VAV3: variants seen among roughly 807,000 people sequenced by gnomAD.
VAV3 encodes the protein vav guanine nucleotide exchange factor 3, also known as guanine nucleotide exchange factor VAV3.
Under a neutral mutation model 131.2 loss-of-function variants are expected in VAV3, and 94 were observed. The observed-to-expected ratio is 0.72, with a 90% confidence interval of 0.61 to 0.85. VAV3 has a LOEUF of 0.85. VAV3 is among the 40% of genes least tolerant of loss of function. The pLI is 0.00. For synonymous variants in VAV3, 349 were observed against 342.0 expected, an observed-to-expected ratio of 1.02 and a Z score of -0.22; for missense variants, 939 against 1,002.7, an observed-to-expected ratio of 0.94 and a Z score of 0.86.
At chr1:107,873,692 G>A (rs1670353386) in intron 2 of VAV3, among the ~76,000 whole-genome samples, 2 of 152,100 alleles carry the variant, frequency 1.3e-5, no homozygotes, top group Admixed American at 6.6e-5. Context: ...TGGACCTCAA[G>A]ACAGTTAAAT....
chr1:107,892,136 T>G (rs955319303), intron 1 of VAV3, among the ~76,000 whole-genome samples: 2 of 152,184 alleles, frequency 1.3e-5, no homozygotes. Context: ...TAATATGTCA[T>G]AATGGCATGT....
intron 22 of VAV3, among the ~76,000 whole-genome samples, chr1:107,608,173 A>T (rs1486508370): frequency 1.3e-5 from 2 of 152,194 alleles, no homozygotes; most frequent in Non-Finnish European, 2.9e-5. Context: ...TCATATTTTC[A>T]GTAGGATTTT....
intron 20 of VAV3, among the ~76,000 whole-genome samples, chr1:107,633,732 C>A (rs925435053): frequency 6.6e-6 from 1 of 152,152 alleles, no homozygotes; most frequent in Non-Finnish European, 1.5e-5. Context: ...TCCACTTTTA[C>A]ACTCTTGGGA....
chr1:107,872,252 T>C (rs1670288510), intron 2 of VAV3, among the ~76,000 whole-genome samples: 1 of 152,170 alleles, frequency 6.6e-6, no homozygotes. Context: ...AAGAGTATTA[T>C]GACAATCAAA....
chr1:107,795,491 T>A (rs1666492642), intron 2 of VAV3, among the ~76,000 whole-genome samples: 2 of 152,238 alleles, frequency 1.3e-5, no homozygotes, highest in Non-Finnish European at 2.9e-5. Context: ...ATTGTCTGTT[T>A]TCTTTTTATT....
At chr1:107,814,309 C>T (rs1055893189) in intron 2 of VAV3, among the ~76,000 whole-genome samples, 2 of 152,034 alleles carry the variant, frequency 1.3e-5, no homozygotes, top group African/African-American at 4.8e-5. Flanking sequence ...CTCGCCAGCA[C>T]CCATTAGTTT....
intron 19 of VAV3, among the ~76,000 whole-genome samples, chr1:107,675,938 C>T (rs1352180599): frequency 6.6e-6 from 1 of 152,174 alleles, no homozygotes; most frequent in Non-Finnish European, 1.5e-5. Context: ...TCTCCAGTTC[C>T]TATTTTAGGT....
intron 24 of VAV3, among the ~76,000 whole-genome samples, chr1:107,602,183 C>A (rs1168177844): frequency 6.6e-6 from 1 of 152,004 alleles, no homozygotes; most frequent in Admixed American, 6.5e-5. Flanking sequence ...TCTAAACCTG[C>A]AAACAATTTA....
intron 1 of VAV3, among the ~76,000 whole-genome samples, chr1:107,944,763 C>T (rs991124110): frequency 1.3e-5 from 2 of 152,106 alleles, no homozygotes; most frequent in Non-Finnish European, 2.9e-5. Flanking sequence ...CACTACCACA[C>T]CCAGCTAATT....
chr1:107,583,411 C>T (rs1270887242), intron 25 of VAV3, among the ~76,000 whole-genome samples: 2 of 151,978 alleles, frequency 1.3e-5, no homozygotes, highest in Non-Finnish European at 2.9e-5. Context: ...CTGGCCAGGG[C>T]AATTAGGCAG....
intron 2 of VAV3, among the ~76,000 whole-genome samples, chr1:107,822,537 C>T (rs1429848640): frequency 3.3e-5 from 5 of 151,824 alleles, no homozygotes; most frequent in Non-Finnish European, 7.4e-5. Flanking sequence ...TGCCTGTAGT[C>T]CCAGCTACTT....
In VAV3 at chr1:107,695,110, T is replaced by C. The variant is rs542259884; in HGVS notation, c.1706-6704A>G. On this transcript the variant is annotated intron_variant, in intron 17 of 26. Transcript: ENST00000370056. ...TGTAGATACACAGACATAAAAAAAC[T>C]GGTTGGAGAACTGTGAGTAGTTAAA... 3.3e-5 allele frequency among the ~76,000 whole-genome samples: 5 copies of C among 152,170 alleles called. No homozygotes were observed. In the South Asian group the frequency reaches 1.0e-3, roughly 32 times the overall value.
At chr1:107,605,103 T>C (rs149130595) in intron 22 of VAV3, among the ~76,000 whole-genome samples, 6 of 152,292 alleles carry the variant, frequency 3.9e-5, no homozygotes, top group Non-Finnish European at 1.5e-5. Context: ...AAAATAAAAT[T>C]GCTCATGTTT....
chr1:107,788,486 T>C (rs143518938), intron 2 of VAV3, among the ~76,000 whole-genome samples: 132 of 152,162 alleles, frequency 8.7e-4, no homozygotes, highest in African/African-American at 3.0e-3. Context: ...AATTTACAGA[T>C]GCAATTTCAA....
At chr1:107,898,910 G>A (rs1425689082) in intron 1 of VAV3, among the ~76,000 whole-genome samples, 1 of 152,106 alleles carries the variant, frequency 6.6e-6, no homozygotes, top group East Asian at 1.9e-4. Context: ...TAATGTCTCA[G>A]TCTAAGAAAG....
intron 2 of VAV3, among the ~76,000 whole-genome samples, chr1:107,819,535 T>G (rs562686913): frequency 6.7e-6 from 1 of 149,276 alleles, no homozygotes; most frequent in Non-Finnish European, 1.5e-5. Flanking sequence ...AAAAATGATA[T>G]GACACAAATA....
intron 2 of VAV3, among the ~76,000 whole-genome samples, chr1:107,809,629 G>A (rs559126520): frequency 6.6e-6 from 1 of 152,266 alleles, no homozygotes; most frequent in Admixed American, 6.5e-5. Context: ...AAAATGCACT[G>A]AAAGATGAAA....
chr1:107,571,717 CTT>C lies in VAV3; in HGVS notation c.*1612_*1613del, dbSNP rs1406275866. 6.6e-6 allele frequency: 1 copy of C among 152,598 alleles called. No individual in the cohort carries two copies. The highest frequency in any genetic ancestry group is 1.5e-5 in the Non-Finnish European group (1 of 68,036). 9.5% of individuals were successfully genotyped at this position (152,598 alleles called of 1,614,324 possible). A position where few individuals can be genotyped will look rare whatever the true frequency, so the allele number is the denominator to read the frequency against. On this transcript the variant is annotated 3_prime_UTR_variant, in exon 27 of 27. Coordinates refer to ENST00000370056, the MANE Select transcript of VAV3 (RefSeq NM_006113.5). Reference sequence around the variant, plus strand: ...GTGATCATTTACACATATACAAAGACTTAAATGGTTTTAGCAAATAATAATTT... The same window carrying C: ...GTGATCATTTACACATATACAAAGACAAATGGTTTTAGCAAATAATAATTT...
chr1:107,930,512 T>C (rs1367647574), intron 1 of VAV3, among the ~76,000 whole-genome samples: 1 of 152,092 alleles, frequency 6.6e-6, no homozygotes, highest in Non-Finnish European at 1.5e-5. Flanking sequence ...AGGAAAATAA[T>C]TACCTAACTA....
Sources: gnomAD v4.1 joint callset for allele counts (sites outside exome capture counted in the v4.1 genomes callset) on GRCh38, gnomAD v4.1.1 for gene constraint, MANE v1.5 for transcripts, NCBI Gene and HGNC (gene_info 2026-07-23, HGNC 2026-07-21) for gene names.